Variants in CUX1 observed in about 807,000 individuals in gnomAD.
CUX1 encodes protein CASP.
CUX1 carries 31 observed loss-of-function variants against 158.8 expected under a neutral mutation model. The observed-to-expected ratio is 0.20, with a 90% confidence interval of 0.15 to 0.26. CUX1 has a LOEUF of 0.26. Among genes scored for constraint, CUX1 ranks in the 10% least tolerant of loss-of-function variants. CUX1 has a pLI of 1.00. For synonymous variants in CUX1, 879 were observed against 862.1 expected, an observed-to-expected ratio of 1.02 and a Z score of -0.34; for missense variants, 1,589 against 2,014.6, an observed-to-expected ratio of 0.79 and a Z score of 4.04.
At chr7:102,106,481 C>T (rs976546675) in intron 6 of CUX1, among the ~76,000 whole-genome samples, 1 of 152,102 alleles carries the variant, frequency 6.6e-6, no homozygotes, top group Admixed American at 6.6e-5. Context: ...CTAGCTAAAA[C>T]AGGGCCTGGA....
chr7:101,976,823 T>C (rs1337807589), intron 2 of CUX1, among the ~76,000 whole-genome samples: 1 of 151,550 alleles, frequency 6.6e-6, no homozygotes, highest in Non-Finnish European at 1.5e-5. Flanking sequence ...TAGCTCCAAC[T>C]TCCCGAGATT....
intron 15 of CUX1, among the ~76,000 whole-genome samples, chr7:102,198,111 T>G (rs1414657346): frequency 6.6e-6 from 1 of 152,050 alleles, no homozygotes; most frequent in Admixed American, 6.6e-5. Flanking sequence ...AATCAAAAGG[T>G]TAGCTGGGCG....
At position 102,253,267 on chromosome 7, in the gene CUX1, GC is replaced by G. The variant is rs1801714325; in HGVS notation, c.*4226del. ...GCCACCGCCCAAGCCCAGGTGGCCA[GC>G]TCTCATACCCCATCTCCCTCCTTGG... On this transcript the variant is annotated 3_prime_UTR_variant, in exon 24 of 24. Transcript: ENST00000292535. 1 of 985,480 alleles carries G rather than the reference GC, an allele frequency of 1.0e-6. No individual in the cohort carries two copies. Among genetic ancestry groups the G allele is most frequent in the Non-Finnish European group, 1.2e-6 (1 of 830,056 alleles). 61.0% of individuals were successfully genotyped at this position (985,480 alleles called of 1,614,324 possible).
chr7:101,871,537 G>C (rs573367761), intron 1 of CUX1, among the ~76,000 whole-genome samples: 1 of 152,084 alleles, frequency 6.6e-6, no homozygotes, highest in East Asian at 1.9e-4. Context: ...CCTTGGGCAC[G>C]TGCACAGTGA....
intron 1 of CUX1, among the ~76,000 whole-genome samples, chr7:101,853,561 T>C (rs1294756163): frequency 6.7e-6 from 1 of 150,100 alleles, no homozygotes; most frequent in Non-Finnish European, 1.5e-5. Flanking sequence ...TTTGTTCATA[T>C]ATCAGAGCAT....
intron 3 of CUX1, among the ~76,000 whole-genome samples, chr7:102,055,176 T>C (rs552040837): frequency 1.3e-5 from 2 of 152,214 alleles, no homozygotes; most frequent in Admixed American, 6.5e-5. Flanking sequence ...TATTCGTAAG[T>C]ATTTTATACT....
chr7:102,112,240 C>CTTTTTTTTTT (rs201695519), intron 7 of CUX1, among the ~76,000 whole-genome samples: 2 of 131,410 alleles, frequency 1.5e-5, no homozygotes, highest in African/African-American at 5.7e-5. Context: ...CTTTCTCTCT[C>CTTTTTTTTTT]TCTTTTTTTT....
rs546400316 is a variant in CUX1, at chr7:102,251,768, G to A, written c.*2726G>A. On this transcript the variant is annotated 3_prime_UTR_variant, in exon 24 of 24. Coordinates refer to ENST00000292535, the MANE Select transcript of CUX1 (RefSeq NM_181552.4). ...CATGTGTGATGAATCTTTAAATATCGTCTAATTTTCATAAGAATGAAAAGA... is the reference window on the plus strand; with the variant it reads ...CATGTGTGATGAATCTTTAAATATCATCTAATTTTCATAAGAATGAAAAGA... The A allele has an allele frequency of 1.5e-5, 15 of 985,252 alleles. 1 individual carries two copies. In the South Asian group the frequency reaches 4.7e-4, roughly 31 times the overall value. 61.0% of individuals were successfully genotyped at this position (985,252 alleles called of 1,614,324 possible).
intron 2 of CUX1, among the ~76,000 whole-genome samples, chr7:102,011,752 G>A (rs1818055497): frequency 6.6e-6 from 1 of 152,160 alleles, no homozygotes; most frequent in Non-Finnish European, 1.5e-5. Context: ...ACCAGGGCAG[G>A]ACACGGAGGT....
At chr7:101,884,517 C>G (rs935758926) in intron 1 of CUX1, among the ~76,000 whole-genome samples, 25 of 152,122 alleles carry the variant, frequency 1.6e-4, no homozygotes, top group Non-Finnish European at 2.6e-4. Flanking sequence ...TATTTAAAGC[C>G]CCGTGTGAGG....
chr7:101,903,731 G>A (rs1038457479), intron 1 of CUX1, among the ~76,000 whole-genome samples: 5 of 152,104 alleles, frequency 3.3e-5, no homozygotes, highest in Non-Finnish European at 2.9e-5. Flanking sequence ...ACATCTCACC[G>A]TTTAAATGAG....
intron 8 of CUX1, among the ~76,000 whole-genome samples, chr7:102,150,316 C>T (rs137952944): frequency 1.7e-3 from 252 of 152,180 alleles, no homozygotes; most frequent in African/African-American, 5.7e-3. Flanking sequence ...CCACCATGCC[C>T]GGCTAATACT....
intron 4 of CUX1, among the ~76,000 whole-genome samples, chr7:102,085,968 T>A (rs1421374477): frequency 3.3e-5 from 5 of 152,234 alleles, no homozygotes; most frequent in South Asian, 2.1e-4. Context: ...TTAAGTTTTT[T>A]AAATTTCTTC....
At position 102,100,777 on chromosome 7, in the gene CUX1, G is replaced by A. The variant is rs569141350; in HGVS notation, c.406+3276G>A. Among the ~76,000 whole-genome samples, 3 of 150,158 alleles carry A rather than the reference G, an allele frequency of 2.0e-5. No homozygotes were observed. The South Asian group carries it at 6.4e-4, about 32-fold the overall frequency. ...AGGCCAGGAGTTCGAGACCAGCCTG[G>A]ACAACATAACAAGACCTATCTCTTA... On this transcript the variant is annotated intron_variant, in intron 5 of 23. Coordinates refer to ENST00000292535, the MANE Select transcript of CUX1 (RefSeq NM_181552.4).
In CUX1 at chr7:102,279,386, C is replaced by T. The variant is rs192694975; in HGVS notation, c.1681-651C>T. 1.2e-4 allele frequency among the ~76,000 whole-genome samples: 18 copies of T among 152,250 alleles called. 1 individual carries two copies. Among genetic ancestry groups the T allele is most frequent in the African/African-American group, 4.3e-4 (18 of 41,568 alleles). ...ATAAAAAATGTAAACAGAATTTGGTCCACACTCCAAAAAGCAACCAAGAGA... is the reference window on the plus strand; with the variant it reads ...ATAAAAAATGTAAACAGAATTTGGTTCACACTCCAAAAAGCAACCAAGAGA... On this transcript the variant is annotated intron_variant, in intron 18 of 22. Transcript: ENST00000292538.
chr7:102,164,195 CG>C (rs1465911372), intron 9 of CUX1, among the ~76,000 whole-genome samples: 7 of 152,186 alleles, frequency 4.6e-5, no homozygotes, highest in African/African-American at 1.7e-4. Flanking sequence ...ACCACCCCTC[CG>C]GGGCCTCCTT....
chr7:102,152,308 A>T (rs1018385406), intron 8 of CUX1, among the ~76,000 whole-genome samples: 1 of 152,188 alleles, frequency 6.6e-6, no homozygotes, highest in Non-Finnish European at 1.5e-5. Flanking sequence ...GTGAGCTATG[A>T]TCGCACCACT....
At chr7:101,984,148 ATG>A (rs71119798) in intron 2 of CUX1, among the ~76,000 whole-genome samples, 18,833 of 75,370 alleles carry the variant, frequency 0.25, 3,608 homozygotes, top group Non-Finnish European at 0.34. Flanking sequence ...ACATATATAT[ATG>A]TGTGTGTGTG....
At chr7:101,979,943 C>T (rs912290955) in intron 2 of CUX1, among the ~76,000 whole-genome samples, 4 of 152,182 alleles carry the variant, frequency 2.6e-5, no homozygotes, top group Non-Finnish European at 5.9e-5. Context: ...CGTGAGCCAC[C>T]GTGTCCGGCT....
Sources: allele counts gnomAD v4.1 joint callset (sites outside exome capture counted in the v4.1 genomes callset), GRCh38; gene constraint gnomAD v4.1.1; transcripts MANE v1.5; gene names NCBI Gene and HGNC (gene_info 2026-07-23, HGNC 2026-07-21).